Variants in ZPBP observed in about 807,000 individuals in gnomAD.
The protein encoded by ZPBP is zona pellucida-binding protein 1.
A neutral mutation model predicts 44.8 loss-of-function variants in ZPBP; 26 were observed. That is an observed-to-expected ratio of 0.58 (90% CI 0.43 to 0.81). The LOEUF (loss-of-function observed/expected upper bound fraction) is 0.81, where lower values mean the gene tolerates loss of function less well. Ranked by LOEUF, ZPBP falls within the 30% of genes least tolerant of loss-of-function variation. The pLI is 0.00. For synonymous variants in ZPBP, 174 were observed against 153.2 expected, an observed-to-expected ratio of 1.14 and a Z score of -1.00; for missense variants, 409 against 434.0, an observed-to-expected ratio of 0.94 and a Z score of 0.51.
At chr7:49,924,118 G>A (rs1794135887) in intron 1 of ZPBP, among the ~76,000 whole-genome samples, 1 of 149,206 alleles carries the variant, frequency 6.7e-6, no homozygotes, top group Admixed American at 6.6e-5. Flanking sequence ...GCGAGACTCT[G>A]TCTCAAATAA....
chr7:49,981,588 T>C (rs1796948243), intron 7 of ZPBP, among the ~76,000 whole-genome samples: 1 of 43,764 alleles, frequency 2.3e-5, no homozygotes, highest in Non-Finnish European at 4.1e-5. Context: ...AATTATATAT[T>C]ATATAATTAT....
chr7:49,921,650 G>T (rs6955728), intron 1 of ZPBP: 118,309 of 152,108 alleles, frequency 0.78, 46,178 homozygotes, highest in East Asian at 0.89. Flanking sequence ...CAAGATCTAT[G>T]TAAAGTGTTT....
chr7:49,852,038 G>A (rs1050262480), intron 2 of ZPBP, among the ~76,000 whole-genome samples: 2 of 152,148 alleles, frequency 1.3e-5, no homozygotes, highest in African/African-American at 2.4e-5. Flanking sequence ...GATTTAATCC[G>A]GATTAAACCA....
intron 7 of ZPBP, among the ~76,000 whole-genome samples, chr7:49,957,916 A>C (rs1395442390): frequency 1.3e-5 from 2 of 152,218 alleles, no homozygotes; most frequent in Non-Finnish European, 2.9e-5. Flanking sequence ...AAAGCCATAG[A>C]AGTGTGGCTT....
rs139219341 is a variant in ZPBP, at chr7:49,851,080, C to T, written n.510-566G>A. On this transcript the variant is annotated intron_variant and non_coding_transcript_variant, in intron 2 of 2. Coordinates refer to the ZPBP transcript ENST00000465922. ...AGTCAGTTTCTTCTGGAGGTTCCGACGGCTGCTCCCTTACATGCCTCTCTC... is the reference window on the plus strand; with the variant it reads ...AGTCAGTTTCTTCTGGAGGTTCCGATGGCTGCTCCCTTACATGCCTCTCTC... Among the ~76,000 whole-genome samples the T allele has an allele frequency of 4.0e-4, 61 of 152,306 alleles. No individual in the cohort carries two copies. The East Asian group carries it at 6.6e-3, about 16-fold the overall frequency.
chr7:49,915,858 A>C (rs1793694733), intron 1 of ZPBP: 2 of 152,198 alleles, frequency 1.3e-5, no homozygotes, highest in African/African-American at 4.8e-5. Context: ...CATTGGTAAA[A>C]ACATACATGC....
intron 7 of ZPBP, among the ~76,000 whole-genome samples, chr7:49,973,410 A>C (rs575975874): frequency 6.6e-6 from 1 of 152,056 alleles, no homozygotes; most frequent in African/African-American, 2.4e-5. Context: ...TACAACTCAC[A>C]GAATGGGGAG....
intron 3 of ZPBP, among the ~76,000 whole-genome samples, chr7:50,067,548 A>G (rs1024777746): frequency 6.6e-6 from 1 of 152,024 alleles, no homozygotes; most frequent in African/African-American, 2.4e-5. Flanking sequence ...AGCTCAGCAG[A>G]CTCCCTTTAA....
chr7:49,889,427 C>T (rs1057006781), intron 2 of ZPBP, among the ~76,000 whole-genome samples: 3 of 152,124 alleles, frequency 2.0e-5, no homozygotes, highest in African/African-American at 4.8e-5. Context: ...TGTTATGCCT[C>T]AAATGTGGGG....
intron 1 of ZPBP, among the ~76,000 whole-genome samples, chr7:49,923,032 T>C (rs929426787): frequency 2.0e-5 from 3 of 152,250 alleles, no homozygotes; most frequent in Non-Finnish European, 2.9e-5. Flanking sequence ...TTTAACAGAT[T>C]AGAAACAACT....
At chr7:50,016,853 T>A (rs540890077) in intron 6 of ZPBP, among the ~76,000 whole-genome samples, 22 of 152,204 alleles carry the variant, frequency 1.4e-4, no homozygotes, top group African/African-American at 5.1e-4. Context: ...GTGCCTCAAA[T>A]CCTAAATCTT....
intron 1 of ZPBP, among the ~76,000 whole-genome samples, chr7:49,901,917 TAAACA>T (rs1792760433): frequency 1.3e-5 from 2 of 151,944 alleles, no homozygotes; most frequent in African/African-American, 4.8e-5. Flanking sequence ...GCTAACAGAG[TAAACA>T]TAGTACAATG....
intron 2 of ZPBP, among the ~76,000 whole-genome samples, chr7:49,877,691 A>C (rs1370965684): frequency 6.7e-6 from 1 of 149,552 alleles, no homozygotes; most frequent in Admixed American, 6.7e-5. Context: ...ACTGGGTGTC[A>C]GGAGCCCTCC....
chr7:50,035,927 A>C (rs1273457523), intron 4 of ZPBP, among the ~76,000 whole-genome samples: 1 of 152,210 alleles, frequency 6.6e-6, no homozygotes, highest in African/African-American at 2.4e-5. Flanking sequence ...AAGATCTAAT[A>C]TATTGGAGAA....
intron 2 of ZPBP, 32 bp from the exon 3 acceptor site, chr7:50,081,931 GTATTT>G: frequency 6.2e-7 from 1 of 1,605,136 alleles, no homozygotes; most frequent in Non-Finnish European, 8.5e-7. Context: ...TGTTCCAATA[GTATTT>G]TATCTTCTTT....
At chr7:49,903,939 C>T (rs1055856706) in intron 1 of ZPBP, among the ~76,000 whole-genome samples, 3 of 152,142 alleles carry the variant, frequency 2.0e-5, no homozygotes, top group Non-Finnish European at 4.4e-5. Context: ...GTCTGGTTTA[C>T]ATAGGGCTCA....
intron 6 of ZPBP, among the ~76,000 whole-genome samples, chr7:49,987,728 T>TTGTGTG (rs55971066): frequency 1.0e-4 from 15 of 145,544 alleles, no homozygotes; most frequent in African/African-American, 2.3e-4. Context: ...TATATATGTG[T>TTGTGTG]TGTGTGTGTG....
intron 6 of ZPBP, among the ~76,000 whole-genome samples, chr7:49,999,679 C>A (rs191921128): frequency 2.8e-5 from 4 of 141,532 alleles, no homozygotes; most frequent in African/African-American, 1.1e-4. Context: ...GATGGATGTT[C>A]CAGCTCAAAC....
At chr7:49,929,496 G>A (rs1407483892) in intron 1 of ZPBP, among the ~76,000 whole-genome samples, 2 of 152,156 alleles carry the variant, frequency 1.3e-5, no homozygotes, top group Non-Finnish European at 2.9e-5. Flanking sequence ...GAATAAGGAA[G>A]ACAACCACAC....
Sources: allele counts gnomAD v4.1 joint callset (sites outside exome capture counted in the v4.1 genomes callset), GRCh38; gene constraint gnomAD v4.1.1; transcripts MANE v1.5; gene names NCBI Gene and HGNC (gene_info 2026-07-23, HGNC 2026-07-21).